Variants in ABHD2 observed in about 807,000 individuals in gnomAD.
ABHD2 encodes monoacylglycerol lipase ABHD2.
A neutral mutation model predicts 48.1 loss-of-function variants in ABHD2; 20 were observed. That is an observed-to-expected ratio of 0.42 (90% CI 0.29 to 0.60). ABHD2 has a LOEUF of 0.60. ABHD2 is among the 20% of genes least tolerant of loss of function. The pLI is 0.24. For synonymous variants in ABHD2, 209 were observed against 214.2 expected (o/e 0.98, Z 0.21); for missense variants, 405 against 550.9 (o/e 0.74, Z 2.65).
chr15:89,149,214 AACACACACACACAC>A (rs35689320), intron 3 of ABHD2, among the ~76,000 whole-genome samples: 1 of 148,236 alleles, frequency 6.7e-6, no homozygotes, highest in Admixed American at 6.7e-5. Context: ...ATTGATCCCT[AACACACACACACAC>A]ACACACACAC....
chr15:89,065,089 A>G, the ABHD2 span, among the ~76,000 whole-genome samples: 1,053 of 152,292 alleles, frequency 6.9e-3, 6 homozygotes, highest in African/African-American at 0.024. Flanking sequence ...AAGAAAAAAC[A>G]TGGGTGCTAT....
rs1045417211 is a variant in ABHD2, at chr15:89,092,745, C to T, written c.-107+4182C>T. Among the ~76,000 whole-genome samples, 3 of 152,236 alleles carry T rather than the reference C, an allele frequency of 2.0e-5. No individual in the cohort carries two copies. The highest frequency in any genetic ancestry group is 2.9e-5 in the Non-Finnish European group (2 of 68,046). ...TGCAGAAATGGTAGCACACTGCATA[C>T]ATGCTATTTGGAACCTTGCCTTTTT... On this transcript the variant is annotated intron_variant, in intron 1 of 10. Coordinates refer to ENST00000352732, the MANE Select transcript of ABHD2 (RefSeq NM_152924.5). The surrounding 1 kb of genome is among the most constrained non-coding windows in gnomAD (Gnocchi z 4.4).
At chr15:89,183,129 A>G (rs2051139582) in intron 6 of ABHD2, among the ~76,000 whole-genome samples, 1 of 152,062 alleles carries the variant, frequency 6.6e-6, no homozygotes, top group Non-Finnish European at 1.5e-5. Context: ...AAAATTAGCA[A>G]TAATTCCCTA....
chr15:89,162,142 G>A (rs1176439219), intron 5 of ABHD2, among the ~76,000 whole-genome samples: 2 of 152,058 alleles, frequency 1.3e-5, no homozygotes, highest in Non-Finnish European at 2.9e-5. Flanking sequence ...AGGTACCGGG[G>A]GTTACGAGTT....
the ABHD2 span, among the ~76,000 whole-genome samples, chr15:89,049,896 G>A: frequency 1.3e-5 from 2 of 152,188 alleles, no homozygotes; most frequent in Admixed American, 6.5e-5. Context: ...GTTCCTATTC[G>A]GCCATCTTGG....
intron 3 of ABHD2, among the ~76,000 whole-genome samples, chr15:89,147,371 T>TTTTTTG (rs1491561750): frequency 8.8e-6 from 1 of 113,848 alleles, no homozygotes; most frequent in African/African-American, 3.4e-5. Context: ...TTTTTTTTTT[T>TTTTTTG]GAGACAGAGT....
chr15:89,111,430 G>A (rs1254409429), intron 1 of ABHD2, among the ~76,000 whole-genome samples: 2 of 152,208 alleles, frequency 1.3e-5, no homozygotes, highest in African/African-American at 4.8e-5. Context: ...TCCTGAGATA[G>A]GCAGTCTAGA....
the ABHD2 span, among the ~76,000 whole-genome samples, chr15:89,052,969 C>CT: frequency 0.043 from 5,897 of 138,398 alleles, 149 homozygotes; most frequent in East Asian, 0.065. Context: ...TGGTGGGCAG[C>CT]TTTTTTTTTT....
At chr15:89,148,697 T>G (rs1189064384) in intron 3 of ABHD2, among the ~76,000 whole-genome samples, 2 of 152,166 alleles carry the variant, frequency 1.3e-5, no homozygotes, top group African/African-American at 4.8e-5. Context: ...CCACCTTCTG[T>G]AAGCCCAGAG....
In ABHD2 at chr15:89,104,046, T is replaced by A. The variant is rs369100091; in HGVS notation, c.-106-9679T>A. 4 of 152,226 alleles carry A rather than the reference T, an allele frequency of 2.6e-5. No homozygotes were observed. The highest frequency in any genetic ancestry group is 3.9e-4 in the East Asian group (2 of 5,192). 9.4% of individuals were successfully genotyped at this position (152,226 alleles called of 1,614,324 possible). ...CTGTTTCTACTCACAGCGTCCGAGG[T>A]ATTTATAAAACAGAAATAAGTAAAG... is the stretch of plus-strand genomic sequence containing the variant. On this transcript the variant is annotated intron_variant, in intron 1 of 10. Coordinates refer to ENST00000352732, the MANE Select transcript of ABHD2 (RefSeq NM_152924.5). This position sits in a 1 kb window ranked among gnomAD's most constrained non-coding sequence, Gnocchi z 4.4.
At chr15:89,089,932 C>T (rs374185942) in intron 1 of ABHD2, among the ~76,000 whole-genome samples, 31 of 152,238 alleles carry the variant, frequency 2.0e-4, no homozygotes, top group East Asian at 1.7e-3. Flanking sequence ...AGATAGAGCT[C>T]ATCTCTATCT....
the ABHD2 span, among the ~76,000 whole-genome samples, chr15:89,062,648 A>G: frequency 6.6e-6 from 1 of 152,100 alleles, no homozygotes; most frequent in African/African-American, 2.4e-5. Context: ...TCGGCCTCCC[A>G]AAGTACTAGG....
upstream of ABHD2, among the ~76,000 whole-genome samples, chr15:89,084,565 T>C (rs1055671873): frequency 1.3e-5 from 2 of 152,122 alleles, no homozygotes; most frequent in Non-Finnish European, 1.5e-5. The surrounding 1 kb of genome is among the most constrained non-coding windows in gnomAD (Gnocchi z 4.4). Context: ...TCCCAAAGTG[T>C]TGGGATTACA....
chr15:89,178,048 C>A (rs1297996202), intron 6 of ABHD2, among the ~76,000 whole-genome samples: 2 of 152,202 alleles, frequency 1.3e-5, no homozygotes, highest in African/African-American at 4.8e-5. Context: ...CAGACATAGC[C>A]TACACAGCCT....
chr15:89,175,280 A>G lies in ABHD2; in HGVS notation c.539-532A>G, dbSNP rs945869725. Reference sequence around the variant, plus strand: ...CACTCTGTCACCCAGGCTGGAGTGCAGTGATGCGATCTTGGCTCACTGTAG... The same window carrying G: ...CACTCTGTCACCCAGGCTGGAGTGCGGTGATGCGATCTTGGCTCACTGTAG... On this transcript the variant is annotated intron_variant, in intron 5 of 10. Transcript: ENST00000352732. This position sits in a 1 kb window ranked among gnomAD's most constrained non-coding sequence, Gnocchi z 5.7. 3.9e-5 allele frequency among the ~76,000 whole-genome samples: 6 copies of G among 152,206 alleles called. No individual in the cohort carries two copies. The highest frequency in any genetic ancestry group is 2.6e-4 in the Admixed American group (4 of 15,268).
rs1205699155 is a variant in ABHD2, at chr15:89,179,380, C to T, written c.722+3385C>T. Reference sequence around the variant, plus strand: ...TCACATTACTGCCTGAGTTCCGCCTCCTGTCAGATCAGCAGTGACATTAGA... The same window carrying T: ...TCACATTACTGCCTGAGTTCCGCCTTCTGTCAGATCAGCAGTGACATTAGA... On this transcript the variant is annotated intron_variant, in intron 6 of 10. Coordinates refer to ENST00000352732, the MANE Select transcript of ABHD2 (RefSeq NM_152924.5). The surrounding 1 kb of genome is among the most constrained non-coding windows in gnomAD (Gnocchi z 4.3). Among the ~76,000 whole-genome samples the T allele has an allele frequency of 2.6e-5, 4 of 152,192 alleles. No individual in the cohort carries two copies. The East Asian group carries it at 7.7e-4, about 29-fold the overall frequency.
At chr15:89,068,783 T>TTTTTTTTTTTTA in the ABHD2 span, among the ~76,000 whole-genome samples, 2 of 91,818 alleles carry the variant, frequency 2.2e-5, no homozygotes, top group Admixed American at 1.1e-4. Flanking sequence ...TTTTTTTTTT[T>TTTTTTTTTTTTA]GTCAAGAGGG....
chr15:89,069,151 G>T, the ABHD2 span, among the ~76,000 whole-genome samples: 2 of 132,346 alleles, frequency 1.5e-5, no homozygotes, highest in Non-Finnish European at 1.6e-5. Context: ...AAAGAGATAG[G>T]ATCTCTCTCT....
chr15:89,200,024 A>C lies in ABHD2; in HGVS notation c.*4601A>C, dbSNP rs1040205041. 3.9e-5 allele frequency: 6 copies of C among 152,538 alleles called. No homozygotes were observed. The highest frequency in any genetic ancestry group is 8.8e-5 in the Non-Finnish European group (6 of 68,072). 9.4% of individuals were successfully genotyped at this position (152,538 alleles called of 1,614,324 possible). A position where few individuals can be genotyped will look rare whatever the true frequency, so the allele number is the denominator to read the frequency against. On this transcript the variant is annotated 3_prime_UTR_variant, in exon 11 of 11. Coordinates refer to ENST00000352732, the MANE Select transcript of ABHD2 (RefSeq NM_152924.5). ...TCCTCCCACAGTGGCCCTTGGAAGC[A>C]GGCCGCAGAGTAGACAGCTGCTCCT...
Sources: allele counts gnomAD v4.1 joint callset (sites outside exome capture counted in the v4.1 genomes callset), GRCh38; gene constraint gnomAD v4.1.1; non-coding constraint Gnocchi (gnomAD v3.1); transcripts MANE v1.5; gene names NCBI Gene and HGNC (gene_info 2026-07-23, HGNC 2026-07-21).